FAAH2: variants seen among roughly 807,000 people sequenced by gnomAD.
FAAH2 encodes the protein fatty-acid amide hydrolase 2.
A neutral mutation model predicts 36.9 loss-of-function variants in FAAH2; 60 were observed. The ratio of observed to expected loss-of-function variants is 1.63; its 90% CI spans 1.32 to 2.02. The LOEUF (loss-of-function observed/expected upper bound fraction) is 2.02. Ranked by LOEUF, FAAH2 falls within the 30% of genes most tolerant of loss-of-function variation. The pLI is 0.00. For missense variants in FAAH2, 689 were observed against 397.5 expected, an observed-to-expected ratio of 1.73 and a Z score of -6.23; for synonymous variants, 214 against 143.8, an observed-to-expected ratio of 1.49 and a Z score of -3.49.
rs2054026056 is a variant in FAAH2, at chrX:57,352,071, T to TATATATATGTGTATATATATGCAC, written c.742+10690_742+10713dup. On this transcript the variant is annotated intron_variant, in intron 5 of 10. Transcript: ENST00000374900. ...ATGTGTATATATATATATATACACA[T>TATATATATGTGTATATATATGCAC]ATATATATGTGTATATATATGCACA... 5.2e-4 allele frequency among the ~76,000 whole-genome samples: 5 copies of TATATATATGTGTATATATATGCAC among 9,588 alleles called. 2 individuals carry two copies. Among genetic ancestry groups the TATATATATGTGTATATATATGCAC allele is most frequent in the African/African-American group, 6.9e-4 (5 of 7,231 alleles). The allele number at this position is 9,588 out of a possible 115,157, so 8.3% of individuals were successfully genotyped here.
At chrX:57,292,163 G>C (rs2146789851) in intron 1 of FAAH2, among the ~76,000 whole-genome samples, 1 of 110,704 alleles carries the variant, frequency 9.0e-6, no homozygotes, top group East Asian at 2.8e-4. Context: ...TTTTTTTATT[G>C]ATTATTTACT....
chrX:57,447,821 C>T (rs1217591073), intron 9 of FAAH2, among the ~76,000 whole-genome samples: 1 of 111,966 alleles, frequency 8.9e-6, no homozygotes, highest in Non-Finnish European at 1.9e-5. Context: ...GATGGAAGGG[C>T]TGCCACAAAG....
chrX:57,330,993 G>A (rs2053388714), intron 3 of FAAH2, among the ~76,000 whole-genome samples: 2 of 110,591 alleles, frequency 1.8e-5, no homozygotes, highest in Non-Finnish European at 3.8e-5. Context: ...GCAGAATGAG[G>A]GGTGCTCAGA....
chrX:57,427,171 TCCTAA>T (rs1316418347), intron 7 of FAAH2, among the ~76,000 whole-genome samples: 6 of 109,930 alleles, frequency 5.5e-5, no homozygotes, highest in Non-Finnish European at 9.5e-5. Flanking sequence ...ACATACGACC[TCCTAA>T]GATTGAAACG....
the FAAH2 span, among the ~76,000 whole-genome samples, chrX:57,133,131 T>G: frequency 1.8e-5 from 2 of 112,090 alleles, no homozygotes; most frequent in African/African-American, 6.5e-5. Flanking sequence ...TGAAATTTTC[T>G]ATCCCAATTC....
At chrX:57,241,379 T>G in the FAAH2 span, among the ~76,000 whole-genome samples, 1 of 111,569 alleles carries the variant, frequency 9.0e-6, no homozygotes, top group Non-Finnish European at 1.9e-5. Context: ...GGAAAATAAA[T>G]TTTGCAATCT....
chrX:57,397,411 T>C (rs1349727442), intron 7 of FAAH2, among the ~76,000 whole-genome samples: 2 of 112,098 alleles, frequency 1.8e-5, no homozygotes, highest in African/African-American at 6.5e-5. Context: ...GTCAGTGTCA[T>C]TTTTTTGTTT....
the FAAH2 span, among the ~76,000 whole-genome samples, chrX:57,183,519 G>A: frequency 9.0e-6 from 1 of 111,604 alleles, no homozygotes; most frequent in African/African-American, 3.2e-5. Context: ...GGGACCAGCT[G>A]GAGCCATGGC....
At chrX:57,156,828 C>T in the FAAH2 span, among the ~76,000 whole-genome samples, 1 of 111,938 alleles carries the variant, frequency 8.9e-6, no homozygotes, top group Non-Finnish European at 1.9e-5. Context: ...TGTCACCGTG[C>T]TGGGTTGCAC....
chrX:57,395,978 C>T (rs985358991), intron 7 of FAAH2, among the ~76,000 whole-genome samples: 8 of 111,502 alleles, frequency 7.2e-5, no homozygotes, highest in African/African-American at 2.6e-4. Context: ...GGTCCTGGGC[C>T]ATTTTTGTTG....
intron 10 of FAAH2, among the ~76,000 whole-genome samples, chrX:57,486,087 A>G (rs1446602340): frequency 9.0e-6 from 1 of 111,587 alleles, no homozygotes; most frequent in African/African-American, 3.3e-5. Flanking sequence ...ATCCTTTGCA[A>G]TCACCTCTGA....
chrX:57,284,432 G>T (rs2051782440), upstream of FAAH2, among the ~76,000 whole-genome samples: 1 of 110,530 alleles, frequency 9.0e-6, no homozygotes, highest in African/African-American at 3.3e-5. Flanking sequence ...ACAAAACCTG[G>T]AATATTATTC....
At chrX:57,141,985 A>G in the FAAH2 span, among the ~76,000 whole-genome samples, 2 of 108,918 alleles carry the variant, frequency 1.8e-5, no homozygotes, top group African/African-American at 3.3e-5. Flanking sequence ...TTCATCTGTC[A>G]TTTTATTTAT....
chrX:57,418,665 G>C (rs773980787), intron 7 of FAAH2, among the ~76,000 whole-genome samples: 5 of 109,024 alleles, frequency 4.6e-5, no homozygotes, highest in African/African-American at 1.3e-4. Flanking sequence ...GACCAGAGCT[G>C]TTCCTATTTG....
At chrX:57,373,423 C>A (rs1448231723) in intron 5 of FAAH2, among the ~76,000 whole-genome samples, 1 of 108,939 alleles carries the variant, frequency 9.2e-6, no homozygotes, top group African/African-American at 3.3e-5. Flanking sequence ...GCCATTCTTG[C>A]AGGAGTAAGG....
the FAAH2 span, among the ~76,000 whole-genome samples, chrX:57,191,382 A>G: frequency 9.0e-6 from 1 of 111,006 alleles, no homozygotes; most frequent in African/African-American, 3.3e-5. Context: ...ATATATTGTG[A>G]TTATTAATCC....
At chrX:57,187,394 G>A in the FAAH2 span, among the ~76,000 whole-genome samples, 1 of 110,467 alleles carries the variant, frequency 9.1e-6, no homozygotes, top group African/African-American at 3.3e-5. Flanking sequence ...AGGAATGCTT[G>A]TAATTTTTGC....
the FAAH2 span, among the ~76,000 whole-genome samples, chrX:57,165,133 G>A: frequency 2.7e-5 from 3 of 112,421 alleles, no homozygotes; most frequent in African/African-American, 9.7e-5. Flanking sequence ...TCAGTGTGGC[G>A]ATTCCTCATG....
chrX:57,262,846 C>T, the FAAH2 span, among the ~76,000 whole-genome samples: 2 of 111,475 alleles, frequency 1.8e-5, no homozygotes, highest in Admixed American at 1.9e-4. Flanking sequence ...TATTAATAGA[C>T]TAAGAAATAA....
Sources: allele counts gnomAD v4.1 joint callset (sites outside exome capture counted in the v4.1 genomes callset), GRCh38; gene constraint gnomAD v4.1.1; transcripts MANE v1.5; gene names NCBI Gene and HGNC (gene_info 2026-07-23, HGNC 2026-07-21).